Variants in RTN4RL1 observed in about 807,000 individuals in gnomAD.
The protein encoded by RTN4RL1 is reticulon-4 receptor-like 1.
In RTN4RL1, 7 loss-of-function variants were observed where a neutral mutation model predicts 25.6. The ratio of observed to expected loss-of-function variants is 0.27; its 90% CI spans 0.16 to 0.51. The LOEUF (loss-of-function observed/expected upper bound fraction) is 0.51. Among genes scored for constraint, RTN4RL1 ranks in the 20% least tolerant of loss-of-function variants. The pLI, the probability that RTN4RL1 is intolerant of heterozygous loss-of-function variation, is 0.97. For synonymous variants in RTN4RL1, 297 were observed against 288.2 expected, an observed-to-expected ratio of 1.03 and a Z score of -0.31; for missense variants, 500 against 615.6, an observed-to-expected ratio of 0.81 and a Z score of 1.99.
intron 1 of RTN4RL1, among the ~76,000 whole-genome samples, chr17:1,941,603 C>T (rs981367188): frequency 8.6e-5 from 13 of 152,030 alleles, no homozygotes; most frequent in African/African-American, 2.2e-4. Flanking sequence ...GGGGGCCAGG[C>T]GGTGGGGGGG....
intron 1 of RTN4RL1, among the ~76,000 whole-genome samples, chr17:1,938,599 G>C (rs1428993757): frequency 6.6e-6 from 1 of 151,556 alleles, no homozygotes; most frequent in African/African-American, 2.4e-5. Flanking sequence ...CGCCCGGCCA[G>C]AATCTCTTTA....
chr17:2,024,115 A>T (rs575709362), intron 1 of RTN4RL1, among the ~76,000 whole-genome samples: 1 of 152,072 alleles, frequency 6.6e-6, no homozygotes, highest in East Asian at 1.9e-4. Flanking sequence ...CGGTGCCCGC[A>T]CCAACTTTGC....
At chr17:1,971,073 T>G (rs555470472) in intron 1 of RTN4RL1, among the ~76,000 whole-genome samples, 28 of 152,318 alleles carry the variant, frequency 1.8e-4, no homozygotes, top group African/African-American at 6.5e-4. Context: ...TAGATGCTAC[T>G]CAGTATGGTT....
intron 1 of RTN4RL1, among the ~76,000 whole-genome samples, chr17:1,940,238 A>G (rs1915413549): frequency 6.6e-6 from 1 of 152,154 alleles, no homozygotes; most frequent in Non-Finnish European, 1.5e-5. Context: ...ATCATCGTAC[A>G]TAATTTGTTT....
intron 1 of RTN4RL1, among the ~76,000 whole-genome samples, chr17:1,943,932 T>TA (rs1373561282): frequency 8.3e-6 from 1 of 120,454 alleles, no homozygotes; most frequent in Admixed American, 7.8e-5. Flanking sequence ...GTTTGAATCC[T>TA]ATTTTTTTTT....
chr17:2,014,452 G>A (rs2067093015), intron 1 of RTN4RL1, among the ~76,000 whole-genome samples: 1 of 152,196 alleles, frequency 6.6e-6, no homozygotes, highest in East Asian at 1.9e-4. Context: ...TGTATAAGTT[G>A]AGACCTGAGG....
intron 1 of RTN4RL1, among the ~76,000 whole-genome samples, chr17:1,977,090 G>T (rs1243168293): frequency 6.6e-6 from 1 of 152,172 alleles, no homozygotes; most frequent in East Asian, 1.9e-4. Context: ...TATGGCAGGT[G>T]ATAGATACTC....
chr17:1,943,308 C>A (rs905222390), intron 1 of RTN4RL1, among the ~76,000 whole-genome samples: 1 of 152,246 alleles, frequency 6.6e-6, no homozygotes, highest in Admixed American at 6.5e-5. Context: ...CCATCCTGCA[C>A]GTGGTGGGCA....
rs1260227424 is a variant in RTN4RL1 at position 1,935,683 on chromosome 17, C to T, written c.*813G>A. The T allele has an allele frequency of 4.6e-5, 43 of 930,726 alleles. No homozygotes were observed. Among genetic ancestry groups the T allele is most frequent in the South Asian group, 5.1e-5 (1 of 19,626 alleles). The allele number at this position is 930,726 out of a possible 1,614,324, so 57.7% of individuals were successfully genotyped here. A position where few individuals can be genotyped will look rare whatever the true frequency, so the allele number is the denominator to read the frequency against. ...CATGAAAAGACGTACAGTTAGGTAACGGAGTGGGAGGGGGACTGTGCATTT... is the reference window on the plus strand; with the variant it reads ...CATGAAAAGACGTACAGTTAGGTAATGGAGTGGGAGGGGGACTGTGCATTT... On this transcript the variant is annotated 3_prime_UTR_variant, in exon 2 of 2. Transcript: ENST00000331238.
intron 1 of RTN4RL1, among the ~76,000 whole-genome samples, chr17:1,963,558 C>T (rs2066775465): frequency 6.6e-6 from 1 of 152,184 alleles, no homozygotes; most frequent in Non-Finnish European, 1.5e-5. Flanking sequence ...CCCGCCTTTG[C>T]CACTCGGCAC....
At chr17:1,945,700 G>A (rs986130121) in intron 1 of RTN4RL1, among the ~76,000 whole-genome samples, 13 of 152,130 alleles carry the variant, frequency 8.5e-5, no homozygotes, top group African/African-American at 2.7e-4. Flanking sequence ...AATACACTAC[G>A]TGATTTCCTT....
intron 1 of RTN4RL1, among the ~76,000 whole-genome samples, chr17:1,977,646 G>A (rs1352368458): frequency 3.3e-5 from 5 of 152,226 alleles, no homozygotes; most frequent in East Asian, 3.9e-4. Context: ...GTAAGTGGGG[G>A]CGGGAGGAGG....
intron 1 of RTN4RL1, among the ~76,000 whole-genome samples, chr17:1,999,291 C>T (rs8076845): frequency 0.68 from 102,137 of 151,064 alleles, 34,759 homozygotes; most frequent in Middle Eastern, 0.71. Context: ...ACCAAGAATA[C>T]AAAAATTAGC....
intron 1 of RTN4RL1, among the ~76,000 whole-genome samples, chr17:1,957,121 G>T (rs528532138): frequency 6.6e-6 from 1 of 152,318 alleles, no homozygotes; most frequent in East Asian, 1.9e-4. Flanking sequence ...AATAACGTTG[G>T]AATGAACATC....
At chr17:1,996,218 A>G (rs1567519753) in intron 1 of RTN4RL1, among the ~76,000 whole-genome samples, 1 of 152,034 alleles carries the variant, frequency 6.6e-6, no homozygotes. Context: ...GTCTCATTGA[A>G]CCCATCTCTG....
chr17:1,985,021 C>T (rs1435821529), intron 1 of RTN4RL1, among the ~76,000 whole-genome samples: 1 of 152,102 alleles, frequency 6.6e-6, no homozygotes, highest in East Asian at 1.9e-4. Flanking sequence ...TTAGGCTGAA[C>T]ACCCCGTTAT....
rs58785478 is a variant in RTN4RL1, at chr17:1,935,711, GTATATATATATATATATA to G, written c.*767_*784del. ...AGTGGGAGGGGGACTGTGCATTTGTGTATATATATATATATATATATATATATATATATATATATATAT... is the reference window on the plus strand; with the variant it reads ...AGTGGGAGGGGGACTGTGCATTTGTGTATATATATATATATATATATATAT... On this transcript the variant is annotated 3_prime_UTR_variant, in exon 2 of 2. Transcript: ENST00000331238. 354 of 159,874 alleles carry G rather than the reference GTATATATATATATATATA, an allele frequency of 2.2e-3. 12 individuals are homozygous for G. The highest frequency in any genetic ancestry group is 6.8e-3 in the Admixed American group (52 of 7,674). The allele number at this position is 159,874 out of a possible 1,614,324, so 9.9% of individuals were successfully genotyped here. A position where few individuals can be genotyped will look rare whatever the true frequency, so the allele number is the denominator to read the frequency against.
At position 1,998,093 on chromosome 17, in the gene RTN4RL1, G is replaced by A. The variant is rs1351137771; in HGVS notation, c.13+26760C>T. Among the ~76,000 whole-genome samples the A allele has an allele frequency of 6.6e-6, 1 of 152,158 alleles. No individual in the cohort carries two copies. Among genetic ancestry groups the A allele is most frequent in the Non-Finnish European group, 1.5e-5 (1 of 67,992 alleles). ...CCCGGCCTCTCCCGGCCTCATTACCGAGGGAGAGCTGCCGGGGCTGGCAGG... is the reference window on the plus strand; with the variant it reads ...CCCGGCCTCTCCCGGCCTCATTACCAAGGGAGAGCTGCCGGGGCTGGCAGG... On this transcript the variant is annotated intron_variant, in intron 1 of 1. Coordinates refer to ENST00000331238, the MANE Select transcript of RTN4RL1 (RefSeq NM_178568.4). The surrounding 1 kb of genome is among the most constrained non-coding windows in gnomAD (Gnocchi z 4.9).
chr17:1,984,492 G>C (rs2151317373), intron 1 of RTN4RL1, among the ~76,000 whole-genome samples: 1 of 152,262 alleles, frequency 6.6e-6, no homozygotes, highest in Admixed American at 6.5e-5. Flanking sequence ...GCCTCCCAAA[G>C]TGCTGGGATT....
Sources: gnomAD v4.1 joint callset for allele counts (sites outside exome capture counted in the v4.1 genomes callset) on GRCh38, gnomAD v4.1.1 for gene constraint, Gnocchi (gnomAD v3.1) non-coding constraint, MANE v1.5 for transcripts, NCBI Gene and HGNC (gene_info 2026-07-23, HGNC 2026-07-21) for gene names.